CLTCL1: variants seen among roughly 807,000 people sequenced by gnomAD.
CLTCL1 encodes the protein clathrin heavy chain 2.
In CLTCL1, 159 loss-of-function variants were observed where a neutral mutation model predicts 190.0. The ratio of observed to expected loss-of-function variants is 0.84; its 90% CI spans 0.74 to 0.95. CLTCL1 has a LOEUF of 0.95. Among genes scored for constraint, CLTCL1 ranks in the 40% least tolerant of loss-of-function variants. The pLI is 0.00. For missense variants in CLTCL1, 1,878 were observed against 2,033.4 expected (o/e 0.92, Z 1.47); for synonymous variants, 752 against 769.6 (o/e 0.98, Z 0.38).
intron 24 of CLTCL1, among the ~76,000 whole-genome samples, chr22:19,199,378 G>C (rs1240818213): frequency 1.3e-5 from 2 of 152,188 alleles, no homozygotes; most frequent in African/African-American, 4.8e-5. Context: ...TGGGGAACTA[G>C]GCTATGGACT....
Position 19,198,018 on chromosome 22 carries a change from C to G in CLTCL1, c.3874-1362G>C, listed in dbSNP as rs1555936826. Among the ~76,000 whole-genome samples the G allele has an allele frequency of 6.6e-6, 1 of 152,182 alleles. No individual in the cohort carries two copies. The highest frequency in any genetic ancestry group is 1.5e-5 in the Non-Finnish European group (1 of 68,036). ...TCTCCAGCTGCCTACATGATGCCCC[C>G]ACCTGAACATCCAGCGGGCAGCTCA... On this transcript the variant is annotated intron_variant, in intron 24 of 32. Transcript: ENST00000427926. This position sits in a 1 kb window ranked among gnomAD's most constrained non-coding sequence, Gnocchi z 4.1.
At chr22:19,260,303 A>T (rs1419609112) in intron 2 of CLTCL1, among the ~76,000 whole-genome samples, 1 of 152,222 alleles carries the variant, frequency 6.6e-6, no homozygotes, top group Non-Finnish European at 1.5e-5. Flanking sequence ...TCAATGGAGA[A>T]GAAACAACCT....
chr22:19,287,847 A>G (rs2087962109), intron 1 of CLTCL1, among the ~76,000 whole-genome samples: 1 of 152,114 alleles, frequency 6.6e-6, no homozygotes, highest in Non-Finnish European at 1.5e-5. Context: ...GAACCTGCTG[A>G]CCATTTCCTG....
chr22:19,283,348 T>C (rs1487349115), intron 1 of CLTCL1, among the ~76,000 whole-genome samples: 1 of 152,026 alleles, frequency 6.6e-6, no homozygotes, highest in Non-Finnish European at 1.5e-5. Flanking sequence ...TGGTGCAATC[T>C]TGGCTTACTG....
intron 9 of CLTCL1, chr22:19,232,849 G>GAT: frequency 1.7e-6 from 1 of 579,646 alleles, no homozygotes; most frequent in Non-Finnish European, 2.9e-6. Context: ...TGCAAACACA[G>GAT]CCTGCCAGTA....
At chr22:19,181,220 G>A (rs1180262197) in intron 30 of CLTCL1, 5 of 178,610 alleles carry the variant, frequency 2.8e-5, no homozygotes, top group East Asian at 1.5e-4. Flanking sequence ...TAGTTTGCCC[G>A]CCCCTCCAAA....
At chr22:19,230,330 C>T (rs1555958369) in intron 10 of CLTCL1, among the ~76,000 whole-genome samples, 1 of 152,116 alleles carries the variant, frequency 6.6e-6, no homozygotes, top group Non-Finnish European at 1.5e-5. Context: ...TCTCGAACTC[C>T]CGACTTCAGG....
intron 1 of CLTCL1, among the ~76,000 whole-genome samples, chr22:19,285,490 A>G (rs2146379921): frequency 6.6e-6 from 1 of 152,252 alleles, no homozygotes; most frequent in Admixed American, 6.5e-5. Flanking sequence ...GGTTTTCTTT[A>G]TTTTAACACC....
At chr22:19,183,729 G>A in intron 29 of CLTCL1, 118 bp from the exon 30 acceptor site, 1 of 988,074 alleles carries the variant, frequency 1.0e-6, no homozygotes, top group Non-Finnish European at 1.5e-6. Context: ...CCTGCGCTGT[G>A]GAGCAAGCCT....
chr22:19,221,084 A>C (rs2085552853), intron 17 of CLTCL1, among the ~76,000 whole-genome samples: 1 of 152,142 alleles, frequency 6.6e-6, no homozygotes, highest in Non-Finnish European at 1.5e-5. Context: ...TCCACAGAGG[A>C]GCTCACGAGT....
chr22:19,276,140 A>T (rs1340502182), intron 1 of CLTCL1, among the ~76,000 whole-genome samples: 1 of 152,086 alleles, frequency 6.6e-6, no homozygotes, highest in Non-Finnish European at 1.5e-5. Context: ...CCCAAAGAAC[A>T]CCATCAGATA....
chr22:19,289,887 G>A (rs1911715377), intron 1 of CLTCL1, among the ~76,000 whole-genome samples: 1 of 152,206 alleles, frequency 6.6e-6, no homozygotes, highest in African/African-American at 2.4e-5. Context: ...TGGTTGCAAG[G>A]CAGGAGTGGC....
Position 19,180,728 on chromosome 22 carries a change from T to A in CLTCL1, c.4903+3A>T. 5 of 1,613,576 alleles carry A rather than the reference T, an allele frequency of 3.1e-6. No individual in the cohort carries two copies. Among genetic ancestry groups the A allele is most frequent in the Non-Finnish European group, 4.2e-6 (5 of 1,179,692 alleles). ...GGGGTTGGGGGCTACAGGTGCCACCTACCAAACACGAGAGGGGCAGGCTCT... is the reference window on the plus strand; with the variant it reads ...GGGGTTGGGGGCTACAGGTGCCACCAACCAAACACGAGAGGGGCAGGCTCT... On this transcript the variant is annotated splice_donor_region_variant and intron_variant, in intron 31 of 32. Coordinates refer to ENST00000427926, the MANE Select transcript of CLTCL1 (RefSeq NM_007098.4).
At chr22:19,245,672 G>A (rs180869842) in intron 3 of CLTCL1, among the ~76,000 whole-genome samples, 21 of 152,216 alleles carry the variant, frequency 1.4e-4, no homozygotes, top group African/African-American at 5.1e-4. Context: ...CCAGTCCCCT[G>A]ACCCAAGTCC....
chr22:19,210,269 G>T (rs555552852), intron 20 of CLTCL1, 57 bp downstream of exon 20: 2 of 1,538,290 alleles, frequency 1.3e-6, no homozygotes, highest in African/African-American at 1.4e-5. Flanking sequence ...CTTGCAGGGC[G>T]CACTCATGAT....
intron 19 of CLTCL1, among the ~76,000 whole-genome samples, chr22:19,215,565 T>G (rs2085357215): frequency 6.6e-6 from 1 of 152,070 alleles, no homozygotes; most frequent in Non-Finnish European, 1.5e-5. Context: ...ATACTGCCGG[T>G]CCGTGTGGAA....
intron 31 of CLTCL1, 54 bp from the exon 32 acceptor site, chr22:19,180,292 G>T (rs1263363849): frequency 6.3e-7 from 1 of 1,599,932 alleles, no homozygotes; most frequent in African/African-American, 1.3e-5. Context: ...GCCGGACGCT[G>T]GAGACCCGCC....
intron 2 of CLTCL1, among the ~76,000 whole-genome samples, chr22:19,265,030 C>G (rs2087075118): frequency 6.6e-6 from 1 of 152,126 alleles, no homozygotes; most frequent in East Asian, 1.9e-4. Context: ...CTCAGGTGAT[C>G]CACCTACCTT....
Position 19,225,532 on chromosome 22 carries a change from C to T in CLTCL1, c.2049G>A (p.Val683=). The T allele has an allele frequency of 1.3e-6, 2 of 1,587,894 alleles. No homozygotes were observed. Among genetic ancestry groups the T allele is most frequent in the Admixed American group, 1.8e-5 (1 of 56,228 alleles). The change falls in exon 13 of 33, where the codon GTG becomes GTA. Residue 683 remains valine (V), a synonymous_variant. Coordinates refer to ENST00000427926, the MANE Select transcript of CLTCL1 (RefSeq NM_007098.4). ...ANIRQNLQLC[V]QVASKYHEQL... is the part of the protein sequence containing the mutation. Reference sequence around the variant, plus strand: ...GCTCGTGGTACTTAGAGGCCACCTGCACACACAGCTGAAGGTTCTGTCTGA... The same window carrying T: ...GCTCGTGGTACTTAGAGGCCACCTGTACACACAGCTGAAGGTTCTGTCTGA...
Sources: gnomAD v4.1 joint callset for allele counts (sites outside exome capture counted in the v4.1 genomes callset) on GRCh38, gnomAD v4.1.1 for gene constraint, Gnocchi (gnomAD v3.1) non-coding constraint, MANE v1.5 for transcripts, NCBI Gene and HGNC (gene_info 2026-07-23, HGNC 2026-07-21) for gene names.